The following MBNL2 variants were observed in gnomAD, a reference collection of about 807,000 sequenced individuals.
MBNL2 encodes muscleblind-like protein 2.
MBNL2 carries 17 observed loss-of-function variants against 41.9 expected under a neutral mutation model. The ratio of observed to expected loss-of-function variants is 0.41; its 90% CI spans 0.28 to 0.61. MBNL2 has a LOEUF of 0.61. Among genes scored for constraint, MBNL2 ranks in the 20% least tolerant of loss-of-function variants. MBNL2 has a pLI of 0.35. For synonymous variants in MBNL2, 195 were observed against 182.9 expected (o/e 1.07, Z -0.53); for missense variants, 336 against 505.6 (o/e 0.66, Z 3.22).
At chr13:97,175,931 A>T in the MBNL2 span, among the ~76,000 whole-genome samples, 22 of 152,154 alleles carry the variant, frequency 1.4e-4, no homozygotes, top group African/African-American at 5.3e-4. Context: ...ACCCTGAAAC[A>T]TGAGATGGGT....
intron 2 of MBNL2, among the ~76,000 whole-genome samples, chr13:97,279,784 G>GT (rs1217897950): frequency 6.6e-6 from 1 of 152,060 alleles, no homozygotes; most frequent in East Asian, 1.9e-4. Context: ...AAACTTTTCC[G>GT]TAAGTATGTA....
chr13:97,226,101 T>C (rs886588779), intron 1 of MBNL2, among the ~76,000 whole-genome samples: 4 of 152,204 alleles, frequency 2.6e-5, no homozygotes, highest in African/African-American at 9.7e-5. Context: ...CCAAAGGTGC[T>C]GCGTGGCTGG....
At chr13:97,164,879 C>T in the MBNL2 span, among the ~76,000 whole-genome samples, 18 of 152,198 alleles carry the variant, frequency 1.2e-4, no homozygotes, top group African/African-American at 4.1e-4. Flanking sequence ...GGGGCTGAAT[C>T]GAGCAGTTCT....
chr13:97,207,748 C>T, the MBNL2 span, among the ~76,000 whole-genome samples: 1 of 152,212 alleles, frequency 6.6e-6, no homozygotes, highest in Admixed American at 6.5e-5. Flanking sequence ...ATTCTTAATT[C>T]ATTTCAGCAT....
chr13:97,324,379 G>C (rs570892921), intron 2 of MBNL2, among the ~76,000 whole-genome samples: 1 of 152,314 alleles, frequency 6.6e-6, no homozygotes, highest in Admixed American at 6.5e-5. Flanking sequence ...GGTTTGAGGA[G>C]AAGTTCGGGA....
chr13:97,305,362 A>G (rs1490200647), intron 2 of MBNL2, among the ~76,000 whole-genome samples: 1 of 152,250 alleles, frequency 6.6e-6, no homozygotes, highest in African/African-American at 2.4e-5. Flanking sequence ...GTACACATGT[A>G]TCAGATGATA....
chr13:97,144,423 C>CTTTTTTTTTTTTT, the MBNL2 span, among the ~76,000 whole-genome samples: 118 of 118,072 alleles, frequency 1.0e-3, 5 homozygotes, highest in African/African-American at 3.7e-3. Flanking sequence ...CATGATACTT[C>CTTTTTTTTTTTTT]TTTTTTTTTT....
In MBNL2 at chr13:97,346,722, G is replaced by A. The variant is rs1271495308; in HGVS notation, c.541-82G>A. On this transcript the variant is annotated intron_variant, in intron 4 of 8. Transcript: ENST00000679496. The surrounding 1 kb of genome is among the most constrained non-coding windows in gnomAD (Gnocchi z 4.2). ...CACCATTGAAAGCGAGGCAGCCTCCGCTCCTCCCGCGGTGGCCGGGGCCGC... is the reference window on the plus strand; with the variant it reads ...CACCATTGAAAGCGAGGCAGCCTCCACTCCTCCCGCGGTGGCCGGGGCCGC... 4 of 1,192,966 alleles carry A rather than the reference G, an allele frequency of 3.4e-6. No individual in the cohort carries two copies. The highest frequency in any genetic ancestry group is 3.0e-5 in the African/African-American group (2 of 65,764). 73.9% of individuals were successfully genotyped at this position (1,192,966 alleles called of 1,614,324 possible).
At chr13:97,273,691 C>T (rs1566381809) in intron 1 of MBNL2, among the ~76,000 whole-genome samples, 1 of 152,190 alleles carries the variant, frequency 6.6e-6, no homozygotes, top group Non-Finnish European at 1.5e-5. Flanking sequence ...AATAAATGTT[C>T]CATCATCAGA....
chr13:97,379,030 C>T (rs537181666), intron 8 of MBNL2, among the ~76,000 whole-genome samples: 3 of 152,178 alleles, frequency 2.0e-5, no homozygotes, highest in African/African-American at 4.8e-5. Flanking sequence ...TGTGAACCCA[C>T]CTTGTTTGAA....
upstream of MBNL2, among the ~76,000 whole-genome samples, chr13:97,217,426 T>C (rs1360987303): frequency 1.3e-5 from 2 of 152,126 alleles, no homozygotes; most frequent in African/African-American, 4.8e-5. Flanking sequence ...ACTGTGACAA[T>C]TGCTACGATG....
chr13:97,285,290 T>G (rs9556695), intron 2 of MBNL2, among the ~76,000 whole-genome samples: 1 of 152,006 alleles, frequency 6.6e-6, no homozygotes, highest in Non-Finnish European at 1.5e-5. Context: ...GTTCTTTAGC[T>G]CACTCATTCA....
intron 2 of MBNL2, among the ~76,000 whole-genome samples, chr13:97,278,789 G>C (rs2052728111): frequency 1.3e-5 from 2 of 152,166 alleles, no homozygotes; most frequent in South Asian, 4.1e-4. Context: ...CAAAATTTCA[G>C]GTTATTTAAT....
chr13:97,164,014 T>C, the MBNL2 span, among the ~76,000 whole-genome samples: 1 of 152,200 alleles, frequency 6.6e-6, no homozygotes, highest in African/African-American at 2.4e-5. Flanking sequence ...TTTTTACTTT[T>C]TTCTTTTTCT....
At chr13:97,182,950 A>G in the MBNL2 span, among the ~76,000 whole-genome samples, 1 of 152,222 alleles carries the variant, frequency 6.6e-6, no homozygotes, top group African/African-American at 2.4e-5. Flanking sequence ...ATCTACTGCT[A>G]TGTTTGGAGA....
intron 2 of MBNL2, among the ~76,000 whole-genome samples, chr13:97,294,693 T>C (rs2056752924): frequency 6.6e-6 from 1 of 152,214 alleles, no homozygotes. Flanking sequence ...GAAATAGTTA[T>C]ATCACCTACT....
chr13:97,180,430 C>T, the MBNL2 span, among the ~76,000 whole-genome samples: 1 of 152,024 alleles, frequency 6.6e-6, no homozygotes, highest in Admixed American at 6.6e-5. Context: ...AAAAAATTTA[C>T]CATTTTTTAT....
At chr13:97,225,957 T>C (rs2041530868) in intron 1 of MBNL2, among the ~76,000 whole-genome samples, 1 of 152,240 alleles carries the variant, frequency 6.6e-6, no homozygotes, top group Admixed American at 6.5e-5. Flanking sequence ...GCAGGAAGAC[T>C]TAACCGGGCT....
chr13:97,271,022 G>A (rs1215425581), intron 1 of MBNL2, among the ~76,000 whole-genome samples: 1 of 151,854 alleles, frequency 6.6e-6, no homozygotes. Flanking sequence ...TTGTACCTGT[G>A]ATATAATGCA....
Sources: allele counts gnomAD v4.1 joint callset (sites outside exome capture counted in the v4.1 genomes callset), GRCh38; gene constraint gnomAD v4.1.1; non-coding constraint Gnocchi (gnomAD v3.1); transcripts MANE v1.5; gene names NCBI Gene and HGNC (gene_info 2026-07-23, HGNC 2026-07-21).